The following CSMD1 variants were observed in gnomAD, a reference collection of about 807,000 sequenced individuals.
CSMD1 encodes CUB and Sushi multiple domains 1.
CSMD1 carries 213 observed loss-of-function variants against 417.5 expected under a neutral mutation model. The observed-to-expected ratio is 0.51, with a 90% CI of 0.46 to 0.57. The LOEUF (loss-of-function observed/expected upper bound fraction) is 0.57. Ranked by LOEUF, CSMD1 falls within the 20% of genes least tolerant of loss-of-function variation. The probability of loss-of-function intolerance (pLI) is 0.00; values close to 1 mark genes in which losing one functional copy is unlikely to be tolerated. For missense variants in CSMD1, 6,923 were observed against 4,529.7 expected, an observed-to-expected ratio of 1.53 and a Z score of -15.17; for synonymous variants, 2,862 against 1,736.8, an observed-to-expected ratio of 1.65 and a Z score of -16.11.
chr8:4,811,902 T>A (rs1445612142), intron 1 of CSMD1, among the ~76,000 whole-genome samples: 1 of 152,146 alleles, frequency 6.6e-6, no homozygotes, highest in African/African-American at 2.4e-5. Context: ...CCTAATGAAT[T>A]GACTGTTTCT....
chr8:4,911,048 C>G (rs933063465), intron 1 of CSMD1, among the ~76,000 whole-genome samples: 5 of 152,210 alleles, frequency 3.3e-5, no homozygotes, highest in Non-Finnish European at 7.3e-5. Flanking sequence ...TAAGATGTGA[C>G]TTGCTCCTCC....
At chr8:4,316,260 C>T (rs1165257863) in intron 3 of CSMD1, among the ~76,000 whole-genome samples, 1 of 152,162 alleles carries the variant, frequency 6.6e-6, no homozygotes, top group South Asian at 2.1e-4. Flanking sequence ...TTTTCATCCT[C>T]GAATCTGAAT....
chr8:3,822,788 T>C (rs750650019), intron 5 of CSMD1, among the ~76,000 whole-genome samples: 1 of 152,256 alleles, frequency 6.6e-6, no homozygotes. Flanking sequence ...GGATGGATAG[T>C]TGATTTGTGG....
intron 10 of CSMD1, among the ~76,000 whole-genome samples, chr8:3,498,524 G>A (rs1232220730): frequency 6.6e-6 from 1 of 152,130 alleles, no homozygotes; most frequent in Non-Finnish European, 1.5e-5. Context: ...GAGCTTCCTG[G>A]ATCTGAATGC....
At chr8:4,235,750 A>C (rs906030533) in intron 3 of CSMD1, among the ~76,000 whole-genome samples, 20 of 152,210 alleles carry the variant, frequency 1.3e-4, no homozygotes, top group African/African-American at 4.8e-4. Flanking sequence ...ATGAGGAAAA[A>C]ATGTGTCCCC....
intron 2 of CSMD1, among the ~76,000 whole-genome samples, chr8:4,489,069 CACAGCTAATTTTT>C: frequency 6.6e-6 from 1 of 152,170 alleles, no homozygotes; most frequent in South Asian, 2.1e-4. Flanking sequence ...TGCCACCACA[CACAGCTAATTTTT>C]TGTATTTTTA....
At chr8:3,919,677 T>C (rs976469953) in intron 5 of CSMD1, among the ~76,000 whole-genome samples, 4 of 152,164 alleles carry the variant, frequency 2.6e-5, no homozygotes, top group Non-Finnish European at 4.4e-5. Context: ...AAAAATGCCA[T>C]TGGAATTTTG....
chr8:4,109,084 T>A (rs1027187369), intron 3 of CSMD1, among the ~76,000 whole-genome samples: 1 of 152,214 alleles, frequency 6.6e-6, no homozygotes, highest in Non-Finnish European at 1.5e-5. Context: ...TATAACCGCA[T>A]CCATTCTCCC....
chr8:4,493,087 G>C (rs1175345165), intron 2 of CSMD1, among the ~76,000 whole-genome samples: 1 of 152,088 alleles, frequency 6.6e-6, no homozygotes, highest in Non-Finnish European at 1.5e-5. Context: ...GCTTATAAAA[G>C]TATACTGAAC....
At chr8:4,247,306 T>A (rs1041535558) in intron 3 of CSMD1, among the ~76,000 whole-genome samples, 1 of 152,152 alleles carries the variant, frequency 6.6e-6, no homozygotes, top group Non-Finnish European at 1.5e-5. Context: ...TCAATTGTCT[T>A]CTCTACCACA....
chr8:3,469,998 G>C (rs1440526146), intron 11 of CSMD1, among the ~76,000 whole-genome samples: 3 of 152,090 alleles, frequency 2.0e-5, no homozygotes, highest in Non-Finnish European at 4.4e-5. Context: ...TTATTGAAGT[G>C]TAACAAGCCA....
chr8:4,420,396 T>C (rs549919671), intron 2 of CSMD1, among the ~76,000 whole-genome samples: 9 of 152,188 alleles, frequency 5.9e-5, no homozygotes, highest in Admixed American at 1.3e-4. Context: ...TTTTAAGTTA[T>C]AGGGTACATG....
intron 5 of CSMD1, among the ~76,000 whole-genome samples, chr8:3,903,786 C>G (rs1333044065): frequency 6.6e-6 from 1 of 152,112 alleles, no homozygotes; most frequent in Non-Finnish European, 1.5e-5. Context: ...ACATTTGAGC[C>G]TCTCGGATCA....
At chr8:3,180,904 A>T (rs1821280913) in intron 37 of CSMD1, among the ~76,000 whole-genome samples, 1 of 152,016 alleles carries the variant, frequency 6.6e-6, no homozygotes, top group Non-Finnish European at 1.5e-5. Context: ...TCTTCCTCCC[A>T]ACGTGCTGGG....
chr8:3,649,211 T>G (rs1207177075), intron 7 of CSMD1, among the ~76,000 whole-genome samples: 1 of 152,154 alleles, frequency 6.6e-6, no homozygotes, highest in Non-Finnish European at 1.5e-5. Context: ...CCATAAGTCT[T>G]CCGATATTTT....
intron 8 of CSMD1, among the ~76,000 whole-genome samples, chr8:3,604,966 C>CA (rs1367230545): frequency 6.6e-6 from 1 of 152,114 alleles, no homozygotes; most frequent in Non-Finnish European, 1.5e-5. Flanking sequence ...ATTTCTTCAT[C>CA]ATTTAAAAAA....
chr8:4,100,453 T>C (rs1801248107), intron 3 of CSMD1, among the ~76,000 whole-genome samples: 1 of 152,220 alleles, frequency 6.6e-6, no homozygotes, highest in Non-Finnish European at 1.5e-5. Context: ...ACTATCCTTT[T>C]ATCTCCAAAT....
intron 52 of CSMD1, among the ~76,000 whole-genome samples, chr8:3,009,793 C>G (rs1048998591): frequency 1.5e-4 from 23 of 152,160 alleles, no homozygotes; most frequent in African/African-American, 5.5e-4. Flanking sequence ...ACACTCTGTG[C>G]TGTTTGTGAC....
chr8:3,608,269 A>G (rs1801717935), intron 8 of CSMD1, among the ~76,000 whole-genome samples: 1 of 151,964 alleles, frequency 6.6e-6, no homozygotes, highest in African/African-American at 2.4e-5. Flanking sequence ...CAGATATTGC[A>G]GCTCATGCAG....
Sources: allele counts gnomAD v4.1 joint callset (sites outside exome capture counted in the v4.1 genomes callset), GRCh38; gene constraint gnomAD v4.1.1; transcripts MANE v1.5; gene names NCBI Gene and HGNC (gene_info 2026-07-23, HGNC 2026-07-21).